The following WWOX variants were observed in gnomAD, a reference collection of about 807,000 sequenced individuals.
WWOX encodes the protein WW domain-containing oxidoreductase.
A neutral mutation model predicts 46.2 loss-of-function variants in WWOX; 69 were observed. The ratio of observed to expected loss-of-function variants is 1.49; its 90% CI spans 1.23 to 1.82. The LOEUF is 1.82. Ranked by LOEUF, WWOX falls within the 40% of genes most tolerant of loss-of-function variation. The pLI is 0.00. For missense variants in WWOX, 919 were observed against 542.6 expected (o/e 1.69, Z -6.89); for synonymous variants, 359 against 202.6 (o/e 1.77, Z -6.56).
rs370846363 is a variant in WWOX, at chr16:78,263,442, C to T, written c.516+99153C>T. On this transcript the variant is annotated intron_variant, in intron 5 of 8. Coordinates refer to ENST00000566780, the MANE Select transcript of WWOX (RefSeq NM_016373.4). ...AAGTGCACAGAGAAGAGGGGTTGCC[C>T]AAAGGTGAATGGGGAGAAGGGGATA... 2.0e-4 allele frequency among the ~76,000 whole-genome samples: 30 copies of T among 152,120 alleles called. 1 individual carries two copies. In the East Asian group the frequency reaches 5.6e-3, roughly 28 times the overall value.
chr16:78,696,266 T>C (rs2048097553), intron 8 of WWOX, among the ~76,000 whole-genome samples: 1 of 152,156 alleles, frequency 6.6e-6, no homozygotes, highest in Non-Finnish European at 1.5e-5. Flanking sequence ...CTTTGCCACA[T>C]CACGGGATTT....
chr16:78,985,775 A>G (rs200829555), intron 8 of WWOX, among the ~76,000 whole-genome samples: 1 of 43,378 alleles, frequency 2.3e-5, no homozygotes, highest in Admixed American at 2.0e-4. Flanking sequence ...TCTGAAAAAG[A>G]AAAAAAGAAT....
chr16:79,137,117 A>G (rs1387776730), intron 8 of WWOX, among the ~76,000 whole-genome samples: 1 of 152,176 alleles, frequency 6.6e-6, no homozygotes, highest in African/African-American at 2.4e-5. Context: ...ACGCTTCCAG[A>G]AGGAAATTCT....
At chr16:78,491,551 C>T (rs1284748938) in intron 8 of WWOX, among the ~76,000 whole-genome samples, 3 of 152,096 alleles carry the variant, frequency 2.0e-5, no homozygotes, top group African/African-American at 7.2e-5. Flanking sequence ...CAGCCTCCGC[C>T]TCCCAGGTTC....
At chr16:79,142,905 T>C (rs1294193466) in intron 8 of WWOX, among the ~76,000 whole-genome samples, 1 of 152,114 alleles carries the variant, frequency 6.6e-6, no homozygotes, top group Non-Finnish European at 1.5e-5. Context: ...GTTCTCGCCT[T>C]ATTGCCCAGG....
At chr16:79,109,035 C>T (rs1279888383) in intron 8 of WWOX, among the ~76,000 whole-genome samples, 5 of 152,006 alleles carry the variant, frequency 3.3e-5, no homozygotes, top group African/African-American at 4.8e-5. Context: ...CTCAGATCAT[C>T]ACCTGTGTGA....
chr16:78,144,518 T>C (rs2034128937), intron 4 of WWOX, among the ~76,000 whole-genome samples: 1 of 36,630 alleles, frequency 2.7e-5, no homozygotes, highest in Non-Finnish European at 4.9e-5. Context: ...TATATATATA[T>C]ATATATTTTT....
In WWOX at chr16:79,189,142, C is replaced by T. The variant is rs371200027; in HGVS notation, c.1057-22466C>T. Among the ~76,000 whole-genome samples the T allele has an allele frequency of 2.6e-3, 390 of 152,256 alleles. 11 individuals are homozygous for T. The Middle Eastern group carries it at 0.037, about 15-fold the overall frequency. On this transcript the variant is annotated intron_variant, in intron 8 of 8. Coordinates refer to ENST00000566780, the MANE Select transcript of WWOX (RefSeq NM_016373.4). Reference sequence around the variant, plus strand: ...GAGAGAGATGGTATTGCCCCTGGGACATTGGACTTTCTGTTTCCAGCATGG... The same window carrying T: ...GAGAGAGATGGTATTGCCCCTGGGATATTGGACTTTCTGTTTCCAGCATGG...
chr16:79,210,955 C>A (rs1287636717), intron 8 of WWOX, among the ~76,000 whole-genome samples: 1 of 151,826 alleles, frequency 6.6e-6, no homozygotes, highest in East Asian at 1.9e-4. Flanking sequence ...TCAAATATGA[C>A]ATTTAGAAAA....
At chr16:78,701,326 C>T (rs1311061605) in intron 8 of WWOX, among the ~76,000 whole-genome samples, 6 of 152,116 alleles carry the variant, frequency 3.9e-5, no homozygotes, top group Non-Finnish European at 7.3e-5. Context: ...ATCCTCTTGC[C>T]TTGGCCTCCC....
chr16:78,243,475 G>A (rs1421730039), intron 5 of WWOX, among the ~76,000 whole-genome samples: 2 of 152,026 alleles, frequency 1.3e-5, no homozygotes, highest in Admixed American at 6.5e-5. Flanking sequence ...TCAGAAGCAT[G>A]GTACCCAATA....
intron 8 of WWOX, among the ~76,000 whole-genome samples, chr16:78,555,929 C>G (rs149409602): frequency 6.6e-6 from 1 of 151,994 alleles, no homozygotes; most frequent in African/African-American, 2.4e-5. Flanking sequence ...ATTTATTATT[C>G]TGTGATAATA....
chr16:79,116,596 C>G (rs1230664146), intron 8 of WWOX, among the ~76,000 whole-genome samples: 1 of 152,178 alleles, frequency 6.6e-6, no homozygotes, highest in Middle Eastern at 3.2e-3. Flanking sequence ...GTCACATCAT[C>G]AGGCTCTACT....
At chr16:78,742,183 G>T (rs547260186) in intron 8 of WWOX, among the ~76,000 whole-genome samples, 2 of 152,280 alleles carry the variant, frequency 1.3e-5, no homozygotes, top group South Asian at 2.1e-4. Context: ...TACATCGTTT[G>T]TCGATAAATC....
intron 5 of WWOX, among the ~76,000 whole-genome samples, chr16:78,343,210 A>C (rs2081043982): frequency 8.4e-6 from 1 of 119,424 alleles, no homozygotes; most frequent in Non-Finnish European, 2.0e-5. Flanking sequence ...AGTGTCCCCG[A>C]TGTGGAGGGT....
chr16:79,175,577 G>A (rs983906726), intron 8 of WWOX, among the ~76,000 whole-genome samples: 2 of 152,170 alleles, frequency 1.3e-5, no homozygotes, highest in Non-Finnish European at 2.9e-5. Flanking sequence ...ATCCCAGGGA[G>A]TGGAAAATGT....
At chr16:78,563,453 A>C (rs1048522497) in intron 8 of WWOX, among the ~76,000 whole-genome samples, 2 of 151,688 alleles carry the variant, frequency 1.3e-5, no homozygotes, top group African/African-American at 4.8e-5. Flanking sequence ...GAATCCAAAG[A>C]TAGTATGTGT....
chr16:79,117,423 T>A (rs771380644), intron 8 of WWOX, among the ~76,000 whole-genome samples: 1 of 152,220 alleles, frequency 6.6e-6, no homozygotes, highest in Non-Finnish European at 1.5e-5. Flanking sequence ...CCAGGGTTTG[T>A]TATTCCATTT....
intron 5 of WWOX, among the ~76,000 whole-genome samples, chr16:78,223,141 A>C (rs1035834726): frequency 4.6e-5 from 7 of 152,140 alleles, no homozygotes; most frequent in African/African-American, 1.7e-4. Flanking sequence ...AGCAGAAATA[A>C]ATATATTGCC....
Sources: gnomAD v4.1 joint callset for allele counts (sites outside exome capture counted in the v4.1 genomes callset) on GRCh38, gnomAD v4.1.1 for gene constraint, MANE v1.5 for transcripts, NCBI Gene and HGNC (gene_info 2026-07-23, HGNC 2026-07-21) for gene names.